The following ERBB4 variants were observed in gnomAD, a reference collection of about 807,000 sequenced individuals.
ERBB4 encodes erb-b2 receptor tyrosine kinase 4.
Under a neutral mutation model 158.0 loss-of-function variants are expected in ERBB4, and 42 were observed. That is an observed-to-expected ratio of 0.27 (90% CI 0.21 to 0.34). The LOEUF (loss-of-function observed/expected upper bound fraction) is 0.34, where lower values mean the gene tolerates loss of function less well. Among genes scored for constraint, ERBB4 ranks in the 10% least tolerant of loss-of-function variants. ERBB4 has a pLI of 1.00. For missense variants in ERBB4, 1,333 were observed against 1,624.1 expected, an observed-to-expected ratio of 0.82 and a Z score of 3.08; for synonymous variants, 583 against 558.7, an observed-to-expected ratio of 1.04 and a Z score of -0.61.
At chr2:211,826,175 G>A (rs1249184181) in intron 3 of ERBB4, among the ~76,000 whole-genome samples, 3 of 151,554 alleles carry the variant, frequency 2.0e-5, no homozygotes, top group Non-Finnish European at 3.0e-5. Context: ...TTGAAATGAA[G>A]TAGTGTGGTA....
chr2:211,883,681 G>T (rs2078722311), intron 3 of ERBB4, among the ~76,000 whole-genome samples: 1 of 152,020 alleles, frequency 6.6e-6, no homozygotes, highest in South Asian at 2.1e-4. Context: ...AGGTACTTGG[G>T]AGGCAGAGGC....
intron 20 of ERBB4, among the ~76,000 whole-genome samples, chr2:211,508,938 CAAACAAAAAAACA>C (rs2065820395): frequency 1.6e-5 from 2 of 128,978 alleles, no homozygotes; most frequent in African/African-American, 3.0e-5. Context: ...AAAAAACAAA[CAAACAAAAAAACA>C]AAACAAAAAA....
intron 1 of ERBB4, among the ~76,000 whole-genome samples, chr2:212,421,608 A>G (rs1441341716): frequency 6.6e-6 from 1 of 152,190 alleles, no homozygotes; most frequent in East Asian, 1.9e-4. Flanking sequence ...GGTTTCTTAC[A>G]CTGTTCAACT....
chr2:211,515,921 T>A (rs1388881721), intron 20 of ERBB4, among the ~76,000 whole-genome samples: 17 of 129,360 alleles, frequency 1.3e-4, no homozygotes, highest in African/African-American at 5.0e-4. Flanking sequence ...TATTTTTTTT[T>A]TTTTTTTTTT....
intron 2 of ERBB4, among the ~76,000 whole-genome samples, chr2:212,047,876 T>C (rs1198628848): frequency 1.3e-5 from 2 of 152,162 alleles, no homozygotes; most frequent in South Asian, 2.1e-4. Context: ...AGTTTAGAGA[T>C]AATAATCAGA....
At chr2:212,499,840 A>G (rs1028863625) in intron 1 of ERBB4, among the ~76,000 whole-genome samples, 42 of 152,080 alleles carry the variant, frequency 2.8e-4, no homozygotes, top group African/African-American at 9.2e-4. Context: ...GGATAACTGC[A>G]GATGTAGAAA....
chr2:211,607,888 T>TTC (rs35895749), intron 19 of ERBB4, among the ~76,000 whole-genome samples: 5,933 of 118,808 alleles, frequency 0.05, 497 homozygotes, highest in Middle Eastern at 0.092. Flanking sequence ...TTTTTTTTTT[T>TTC]AGACAGGGTC....
chr2:211,739,859 T>A (rs2074732374), intron 5 of ERBB4, among the ~76,000 whole-genome samples: 1 of 152,150 alleles, frequency 6.6e-6, no homozygotes, highest in African/African-American at 2.4e-5. Flanking sequence ...AAATATAGCT[T>A]AATTTTAGAA....
At chr2:212,518,122 G>A (rs1284256071) in intron 1 of ERBB4, among the ~76,000 whole-genome samples, 1 of 152,022 alleles carries the variant, frequency 6.6e-6, no homozygotes, top group Non-Finnish European at 1.5e-5. Context: ...TGATGAAAAT[G>A]TCAATAGATC....
chr2:212,073,392 T>C (rs2078181950), intron 2 of ERBB4, among the ~76,000 whole-genome samples: 1 of 151,906 alleles, frequency 6.6e-6, no homozygotes, highest in African/African-American at 2.4e-5. Context: ...TGAGACTAAT[T>C]AATCCATTGG....
In ERBB4 at chr2:211,843,787, T is replaced by C. The variant is rs556326818; in HGVS notation, c.422-55628A>G. Among the ~76,000 whole-genome samples, 120 of 152,040 alleles carry C rather than the reference T, an allele frequency of 7.9e-4. 1 individual carries two copies. Among genetic ancestry groups the C allele is most frequent in the Non-Finnish European group, 1.5e-3 (102 of 68,006 alleles). On this transcript the variant is annotated intron_variant, in intron 3 of 27. Transcript: ENST00000342788. ...TATAAATATCATAAATGATCATGTC[T>C]ACTCCATAATTAGTGTATATCACTA...
At chr2:212,445,266 C>G (rs2092325514) in intron 1 of ERBB4, among the ~76,000 whole-genome samples, 1 of 152,110 alleles carries the variant, frequency 6.6e-6, no homozygotes, top group African/African-American at 2.4e-5. Flanking sequence ...GGTACTGTTT[C>G]TCCCATAGCC....
chr2:212,336,088 A>G (rs551064545), intron 1 of ERBB4, among the ~76,000 whole-genome samples: 1 of 152,098 alleles, frequency 6.6e-6, no homozygotes, highest in East Asian at 1.9e-4. Context: ...TGGGGGATAC[A>G]TGGCGGAGGG....
chr2:212,010,196 C>T (rs2076351586), intron 2 of ERBB4, among the ~76,000 whole-genome samples: 1 of 152,066 alleles, frequency 6.6e-6, no homozygotes, highest in South Asian at 2.1e-4. Context: ...CTATATAACC[C>T]TCTGCCTCTC....
intron 1 of ERBB4, among the ~76,000 whole-genome samples, chr2:212,288,081 G>C (rs566344351): frequency 6.6e-6 from 1 of 152,206 alleles, no homozygotes; most frequent in East Asian, 1.9e-4. Context: ...GAAAAGGAAT[G>C]AGATGAGAAG....
intron 1 of ERBB4, among the ~76,000 whole-genome samples, chr2:212,406,498 T>C (rs1406810545): frequency 1.3e-5 from 2 of 152,208 alleles, no homozygotes; most frequent in Non-Finnish European, 2.9e-5. Flanking sequence ...CTACTACTTA[T>C]GTGCTGTTAC....
chr2:212,036,832 C>T (rs2077026266), intron 2 of ERBB4, among the ~76,000 whole-genome samples: 1 of 152,176 alleles, frequency 6.6e-6, no homozygotes, highest in Non-Finnish European at 1.5e-5. Context: ...ATACTAACAA[C>T]TACCCTTTGA....
chr2:212,531,498 T>C (rs529929368), intron 1 of ERBB4, among the ~76,000 whole-genome samples: 8 of 152,180 alleles, frequency 5.3e-5, no homozygotes, highest in African/African-American at 1.9e-4. Context: ...ACAAAGACCA[T>C]AGAAATTATC....
chr2:211,835,153 T>C (rs2077312650), intron 3 of ERBB4, among the ~76,000 whole-genome samples: 1 of 152,090 alleles, frequency 6.6e-6, no homozygotes, highest in Non-Finnish European at 1.5e-5. Flanking sequence ...TCTTATTGGA[T>C]TTAATCATCA....
Sources: allele counts gnomAD v4.1 joint callset (sites outside exome capture counted in the v4.1 genomes callset), GRCh38; gene constraint gnomAD v4.1.1; transcripts MANE v1.5; gene names NCBI Gene and HGNC (gene_info 2026-07-23, HGNC 2026-07-21).